GUCA1C: variants seen among roughly 807,000 people sequenced by gnomAD.
The protein encoded by GUCA1C is guanylate cyclase activator 1C, also known as guanylyl cyclase-activating protein 3.
Under a neutral mutation model 16.2 loss-of-function variants are expected in GUCA1C, and 15 were observed. That is an observed-to-expected ratio of 0.93 (90% CI 0.62 to 1.43). The LOEUF (loss-of-function observed/expected upper bound fraction) is 1.43, where lower values mean the gene tolerates loss of function less well. GUCA1C is among the 40% of genes most tolerant of loss of function. The pLI is 0.00. For synonymous variants in GUCA1C, 78 were observed against 85.4 expected (o/e 0.91, Z 0.48); for missense variants, 275 against 244.8 (o/e 1.12, Z -0.82).
chr3:108,946,070 A>AT (rs1946841299), intron 1 of GUCA1C, among the ~76,000 whole-genome samples: 1 of 152,186 alleles, frequency 6.6e-6, no homozygotes, highest in Non-Finnish European at 1.5e-5. Flanking sequence ...CCAGCACACT[A>AT]TTGTTCTCCC....
intron 3 of GUCA1C, among the ~76,000 whole-genome samples, chr3:108,915,512 C>T (rs941570375): frequency 6.6e-6 from 1 of 152,096 alleles, no homozygotes; most frequent in East Asian, 1.9e-4. Context: ...TTCACTCCTA[C>T]CTCTGAAGAA....
intron 1 of GUCA1C, among the ~76,000 whole-genome samples, chr3:108,942,213 C>T (rs921799086): frequency 5.3e-5 from 8 of 152,168 alleles, no homozygotes; most frequent in African/African-American, 1.9e-4. Context: ...AAATAATAAA[C>T]ATAAAATGCA....
chr3:108,949,802 T>C (rs1464057273), intron 1 of GUCA1C, among the ~76,000 whole-genome samples: 3 of 152,224 alleles, frequency 2.0e-5, no homozygotes, highest in African/African-American at 4.8e-5. Context: ...GTATACAATA[T>C]GTTATTTTTA....
chr3:108,926,017 G>A (rs1182465415), intron 1 of GUCA1C, among the ~76,000 whole-genome samples: 1 of 152,024 alleles, frequency 6.6e-6, no homozygotes, highest in African/African-American at 2.4e-5. Context: ...AACCCAGGAG[G>A]CAGATGTTGC....
At chr3:108,922,160 A>ACACACACACAC (rs1946575367) in intron 1 of GUCA1C, among the ~76,000 whole-genome samples, 1 of 52,076 alleles carries the variant, frequency 1.9e-5, no homozygotes, top group African/African-American at 7.2e-5. Flanking sequence ...CACATACACA[A>ACACACACACAC]ACACACACAC....
intron 3 of GUCA1C, among the ~76,000 whole-genome samples, chr3:108,914,960 G>A (rs1330996208): frequency 2.6e-5 from 4 of 152,164 alleles, no homozygotes; most frequent in African/African-American, 7.2e-5. Context: ...ACTAGTAAGT[G>A]AGCATACTGA....
intron 1 of GUCA1C, among the ~76,000 whole-genome samples, chr3:108,924,465 C>T (rs1236695067): frequency 6.6e-6 from 1 of 151,946 alleles, no homozygotes; most frequent in African/African-American, 2.4e-5. Flanking sequence ...TATGTTAAGC[C>T]ATCCCTGCAT....
At chr3:108,911,835 G>A (rs4855670) in intron 3 of GUCA1C, among the ~76,000 whole-genome samples, 137,921 of 152,102 alleles carry the variant, frequency 0.91, 62,959 homozygotes, top group East Asian at 0.97. Context: ...GCCGGGCATG[G>A]TGGCTCATGC....
At chr3:108,954,838 G>A (rs2399244), upstream of GUCA1C, among the ~76,000 whole-genome samples, 54,441 of 149,314 alleles carry the variant, frequency 0.36, 10,568 homozygotes, top group Non-Finnish European at 0.44. Flanking sequence ...CTGGGTTCAC[G>A]CCATTCTCCT....
intron 1 of GUCA1C, among the ~76,000 whole-genome samples, chr3:108,953,004 T>C (rs1946911595): frequency 6.6e-6 from 1 of 152,186 alleles, no homozygotes; most frequent in Non-Finnish European, 1.5e-5. Flanking sequence ...CAAAAATTTG[T>C]CTGAATTTAA....
At chr3:108,912,977 C>A (rs1946472027) in intron 3 of GUCA1C, among the ~76,000 whole-genome samples, 1 of 152,044 alleles carries the variant, frequency 6.6e-6, no homozygotes, top group Admixed American at 6.6e-5. Context: ...TTTTGCTTAA[C>A]CTTCTAACTT....
chr3:108,936,828 C>G (rs1014474777), intron 1 of GUCA1C, among the ~76,000 whole-genome samples: 1 of 152,188 alleles, frequency 6.6e-6, no homozygotes, highest in Non-Finnish European at 1.5e-5. Context: ...CAATAATCTG[C>G]TCAGCCTCCT....
chr3:108,915,059 G>A (rs535227317), intron 3 of GUCA1C, among the ~76,000 whole-genome samples: 251 of 152,338 alleles, frequency 1.6e-3, no homozygotes, highest in African/African-American at 5.7e-3. Context: ...TCTTTCTTGA[G>A]CAGTATACTC....
intron 1 of GUCA1C, among the ~76,000 whole-genome samples, chr3:108,940,235 G>A (rs954767864): frequency 1.3e-5 from 2 of 152,176 alleles, no homozygotes; most frequent in South Asian, 4.1e-4. Flanking sequence ...AAGATCATTT[G>A]CTTCCAGTAA....
At chr3:108,909,008 A>G (rs889727852) in intron 3 of GUCA1C, among the ~76,000 whole-genome samples, 2 of 152,220 alleles carry the variant, frequency 1.3e-5, no homozygotes, top group Non-Finnish European at 2.9e-5. Flanking sequence ...AGATCAGCCA[A>G]AGACGGACGG....
chr3:108,927,318 T>TATG (rs1946631610), intron 1 of GUCA1C, among the ~76,000 whole-genome samples: 1 of 152,234 alleles, frequency 6.6e-6, no homozygotes, highest in African/African-American at 2.4e-5. Flanking sequence ...TTCCCTCAAA[T>TATG]ATGTTTTCTA....
intron 3 of GUCA1C, among the ~76,000 whole-genome samples, chr3:108,912,273 A>C (rs4855674): frequency 0.93 from 141,102 of 151,676 alleles, 65,825 homozygotes; most frequent in East Asian, 0.97. Context: ...ACACCTATAA[A>C]TCTCCCTAAA....
intron 1 of GUCA1C, among the ~76,000 whole-genome samples, chr3:108,939,557 C>T (rs1229891301): frequency 4.0e-5 from 6 of 151,344 alleles, no homozygotes; most frequent in Admixed American, 1.3e-4. Flanking sequence ...AAACTCCTGA[C>T]CTCAGGTGAT....
intron 3 of GUCA1C, among the ~76,000 whole-genome samples, chr3:108,910,938 C>T (rs757022533): frequency 6.6e-6 from 1 of 152,128 alleles, no homozygotes; most frequent in Non-Finnish European, 1.5e-5. Context: ...GCGTGAGCCA[C>T]CGCACCCGGC....
Sources: gnomAD v4.1 joint callset for allele counts (sites outside exome capture counted in the v4.1 genomes callset) on GRCh38, gnomAD v4.1.1 for gene constraint, MANE v1.5 for transcripts, NCBI Gene and HGNC (gene_info 2026-07-23, HGNC 2026-07-21) for gene names.